The following SLC38A6 variants were observed in gnomAD, a reference collection of about 807,000 sequenced individuals.
SLC38A6 encodes the protein solute carrier family 38 member 6.
A neutral mutation model predicts 65.0 loss-of-function variants in SLC38A6; 73 were observed. That is an observed-to-expected ratio of 1.12 (90% CI 0.93 to 1.37). SLC38A6 has a LOEUF of 1.37. SLC38A6 is among the 40% of genes most tolerant of loss of function. SLC38A6 has a pLI of 0.00. For synonymous variants in SLC38A6, 183 were observed against 178.8 expected, an observed-to-expected ratio of 1.02 and a Z score of -0.19; for missense variants, 561 against 531.1, an observed-to-expected ratio of 1.06 and a Z score of -0.55.
At chr14:60,985,703 T>C (rs1210515182) in intron 3 of SLC38A6, among the ~76,000 whole-genome samples, 1 of 152,228 alleles carries the variant, frequency 6.6e-6, no homozygotes. Flanking sequence ...AAAGAATACC[T>C]GAGGCTGCAT....
In SLC38A6 at chr14:61,052,378, G is replaced by A; in HGVS notation, c.1320G>A (p.Leu440=). Residue 440 remains leucine, a synonymous_variant, in exon 16 of 16, where the codon TTG becomes TTA. Coordinates refer to ENST00000267488, the MANE Select transcript of SLC38A6 (RefSeq NM_153811.3). ...GAFVLLIFGI[L]VGNFSLALII... ...TCGTTTTGCTCATCTTTGGAATTTT[G>A]GTTGGGAATTTTAGTTTAGCACTCA... is the stretch of plus-strand genomic sequence containing the variant. 1 of 1,585,058 alleles carries A rather than the reference G, an allele frequency of 6.3e-7. No individual in the cohort carries two copies. The highest frequency in any genetic ancestry group is 1.2e-5 in the South Asian group (1 of 84,070).
chr14:61,041,368 C>A (rs1184457737), intron 8 of SLC38A6, among the ~76,000 whole-genome samples: 3 of 152,118 alleles, frequency 2.0e-5, no homozygotes, highest in African/African-American at 7.2e-5. Flanking sequence ...AGTAACTGAA[C>A]TGTCTATTAA....
At chr14:61,075,795 GT>G (rs2043386579) in intron 15 of SLC38A6, among the ~76,000 whole-genome samples, 2 of 147,038 alleles carry the variant, frequency 1.4e-5, no homozygotes, top group African/African-American at 5.0e-5. Context: ...GTGTGTGTGT[GT>G]GTGTGTGTGT....
intron 3 of SLC38A6, among the ~76,000 whole-genome samples, chr14:61,009,174 T>C (rs2039365162): frequency 6.6e-6 from 1 of 152,178 alleles, no homozygotes; most frequent in Non-Finnish European, 1.5e-5. Flanking sequence ...AATGTTAGTA[T>C]TGAGAGCATT....
At chr14:61,064,981 A>G (rs1238564927) in intron 15 of SLC38A6, among the ~76,000 whole-genome samples, 2 of 152,180 alleles carry the variant, frequency 1.3e-5, no homozygotes, top group Non-Finnish European at 2.9e-5. Flanking sequence ...CTCCATTAAG[A>G]TGAATGGGGG....
At chr14:61,007,414 G>C (rs1445996853) in intron 3 of SLC38A6, among the ~76,000 whole-genome samples, 3 of 152,184 alleles carry the variant, frequency 2.0e-5, no homozygotes, top group Non-Finnish European at 4.4e-5. Flanking sequence ...AGGATGGCTT[G>C]AGTCCAAGAG....
chr14:61,012,261 G>T (rs994916909), intron 3 of SLC38A6, among the ~76,000 whole-genome samples: 1 of 151,978 alleles, frequency 6.6e-6, no homozygotes, highest in Non-Finnish European at 1.5e-5. Context: ...GCATCTATTT[G>T]ATTCTTCTCT....
intron 3 of SLC38A6, among the ~76,000 whole-genome samples, chr14:61,013,033 G>T (rs1456652463): frequency 6.6e-6 from 1 of 152,118 alleles, no homozygotes; most frequent in Non-Finnish European, 1.5e-5. Context: ...CTCTTTGTAG[G>T]TCTCTAAGGA....
At chr14:61,018,488 G>T (rs749892632) in intron 4 of SLC38A6, among the ~76,000 whole-genome samples, 2 of 152,144 alleles carry the variant, frequency 1.3e-5, no homozygotes, top group Non-Finnish European at 2.9e-5. Context: ...GGCAAATGCT[G>T]TGCCACTGAT....
intron 9 of SLC38A6, 33 bp from the exon 10 acceptor site, chr14:61,043,417 G>GTTTCTCTTT: frequency 6.6e-7 from 1 of 1,523,694 alleles, no homozygotes; most frequent in African/African-American, 1.4e-5. Context: ...ATGGCTGTTG[G>GTTTCTCTTT]TTTCTCTTTT....
chr14:61,036,958 C>CTGTG (rs1370806635), intron 6 of SLC38A6, 101 bp from the exon 7 acceptor site: 60 of 377,998 alleles, frequency 1.6e-4, no homozygotes, highest in African/African-American at 1.1e-3. Context: ...ATGGTTATAA[C>CTGTG]TCTGTGTGTG....
chr14:61,045,226 T>C lies in SLC38A6; in HGVS notation c.745-120T>C, dbSNP rs2042063231. On this transcript the variant is annotated intron_variant, in intron 10 of 15. Coordinates refer to ENST00000267488, the MANE Select transcript of SLC38A6 (RefSeq NM_153811.3). ...TCTTATTTTATAAAGAGAAGACTCA[T>C]TAAAGATGAAATAAATGTAATCAAA... The C allele has an allele frequency of 2.1e-5, 14 of 653,950 alleles. No individual in the cohort carries two copies. The East Asian group carries it at 3.7e-4, about 17-fold the overall frequency. The allele number at this position is 653,950 out of a possible 1,614,324, so 40.5% of individuals were successfully genotyped here. A position where few individuals can be genotyped will look rare whatever the true frequency, so the allele number is the denominator to read the frequency against.
At chr14:61,028,528 C>T (rs1032089526) in intron 5 of SLC38A6, among the ~76,000 whole-genome samples, 4 of 152,014 alleles carry the variant, frequency 2.6e-5, no homozygotes, top group South Asian at 2.1e-4. Flanking sequence ...TAGTCTAAAC[C>T]TTCCTTCTGT....
At position 61,037,143 on chromosome 14, in the gene SLC38A6, T is replaced by C. The variant is rs768015370; in HGVS notation, c.565+2T>C. 6.3e-7 allele frequency: 1 copy of C among 1,585,894 alleles called. No individual in the cohort carries two copies. Among genetic ancestry groups the C allele is most frequent in the African/African-American group, 1.4e-5 (1 of 73,852 alleles). On this transcript the variant is annotated splice_donor_variant, in intron 7 of 15. Coordinates refer to ENST00000267488, the MANE Select transcript of SLC38A6 (RefSeq NM_153811.3). LOFTEE classifies it high-confidence loss of function. ...CTCTTGCACTTCTTCCCAAAATAGG[T>C]AAGTCTTTATAGAGCACATTATTTG...
chr14:61,035,318 A>G (rs890936509), intron 6 of SLC38A6, among the ~76,000 whole-genome samples: 1 of 152,172 alleles, frequency 6.6e-6, no homozygotes, highest in Non-Finnish European at 1.5e-5. Context: ...ATTTTTCGCA[A>G]AAGCTTTCAA....
chr14:60,994,411 G>A (rs1290965203), intron 3 of SLC38A6, among the ~76,000 whole-genome samples: 1 of 151,992 alleles, frequency 6.6e-6, no homozygotes, highest in Non-Finnish European at 1.5e-5. Flanking sequence ...TGGGCGTGGT[G>A]CTGCATGCCT....
chr14:61,009,279 A>G (rs1238082359), intron 3 of SLC38A6, among the ~76,000 whole-genome samples: 1 of 152,200 alleles, frequency 6.6e-6, no homozygotes, highest in East Asian at 1.9e-4. Context: ...GAGAGATGTC[A>G]GATAGCTAGA....
At chr14:60,989,060 T>C (rs979089766) in intron 3 of SLC38A6, among the ~76,000 whole-genome samples, 3 of 152,220 alleles carry the variant, frequency 2.0e-5, no homozygotes, top group African/African-American at 7.2e-5. Flanking sequence ...CTTCGACACT[T>C]TTTTCTTTGA....
intron 3 of SLC38A6, among the ~76,000 whole-genome samples, chr14:60,991,248 C>A (rs987725603): frequency 6.6e-6 from 1 of 152,122 alleles, no homozygotes; most frequent in African/African-American, 2.4e-5. Context: ...GTCTTCTGCC[C>A]TTTTTATCTC....
Sources: allele counts gnomAD v4.1 joint callset (sites outside exome capture counted in the v4.1 genomes callset), GRCh38; gene constraint gnomAD v4.1.1; transcripts MANE v1.5; gene names NCBI Gene and HGNC (gene_info 2026-07-23, HGNC 2026-07-21).